The following SGCZ variants were observed in gnomAD, a reference collection of about 807,000 sequenced individuals.
The protein encoded by SGCZ is zeta-sarcoglycan.
A neutral mutation model predicts 41.3 loss-of-function variants in SGCZ; 40 were observed. The observed-to-expected ratio is 0.97, with a 90% CI of 0.75 to 1.26. The LOEUF (loss-of-function observed/expected upper bound fraction) is 1.26, where lower values mean the gene tolerates loss of function less well. Ranked by LOEUF, SGCZ falls within the 50% of genes most tolerant of loss-of-function variation. SGCZ has a pLI of 0.00. For synonymous variants in SGCZ, 206 were observed against 137.5 expected (o/e 1.50, Z -3.49); for missense variants, 552 against 369.8 (o/e 1.49, Z -4.04).
chr8:14,221,011 G>GAAA (rs35159600), intron 4 of SGCZ, among the ~76,000 whole-genome samples: 15 of 149,994 alleles, frequency 1.0e-4, no homozygotes, highest in African/African-American at 3.4e-4. Context: ...GCCTAATATA[G>GAAA]AAAAAAAAAA....
At chr8:15,017,352 A>G (rs1803077507) in intron 1 of SGCZ, among the ~76,000 whole-genome samples, 2 of 152,098 alleles carry the variant, frequency 1.3e-5, no homozygotes, top group African/African-American at 2.4e-5. Context: ...GCTCCCATTC[A>G]CTGCACACGT....
chr8:14,830,108 C>T (rs11993091), intron 1 of SGCZ, among the ~76,000 whole-genome samples: 2 of 152,088 alleles, frequency 1.3e-5, no homozygotes, highest in African/African-American at 4.8e-5. Flanking sequence ...CCGCACCCGG[C>T]CTTATGTTTG....
intron 1 of SGCZ, among the ~76,000 whole-genome samples, chr8:14,841,108 G>T (rs1249936221): frequency 1.4e-5 from 2 of 146,040 alleles, no homozygotes; most frequent in East Asian, 3.9e-4. Context: ...CATTTGAGAA[G>T]AACAAAAAAA....
chr8:14,716,941 T>C (rs937151877), intron 1 of SGCZ, among the ~76,000 whole-genome samples: 1 of 152,056 alleles, frequency 6.6e-6, no homozygotes, highest in Non-Finnish European at 1.5e-5. Flanking sequence ...TTATATTTCA[T>C]CTTATTAATA....
At chr8:14,817,143 G>A (rs1253574042) in intron 1 of SGCZ, among the ~76,000 whole-genome samples, 1 of 152,134 alleles carries the variant, frequency 6.6e-6, no homozygotes, top group Non-Finnish European at 1.5e-5. Flanking sequence ...TGCACACTCA[G>A]TAACATCCTT....
chr8:14,096,746 G>A (rs1430595310), intron 7 of SGCZ, among the ~76,000 whole-genome samples: 1 of 151,878 alleles, frequency 6.6e-6, no homozygotes, highest in East Asian at 1.9e-4. Flanking sequence ...AACTTTTTTT[G>A]GTTGGTAGGC....
chr8:15,149,370 T>G (rs1469112849), intron 1 of SGCZ, among the ~76,000 whole-genome samples: 2 of 152,184 alleles, frequency 1.3e-5, no homozygotes, highest in African/African-American at 4.8e-5. Flanking sequence ...CTAACTGGAC[T>G]TCTTACTGAT....
intron 1 of SGCZ, among the ~76,000 whole-genome samples, chr8:14,784,266 G>C (rs1300750979): frequency 1.3e-5 from 2 of 151,690 alleles, no homozygotes; most frequent in Admixed American, 1.3e-4. Context: ...TGCCCAGGCT[G>C]GTCTTGAACT....
intron 3 of SGCZ, among the ~76,000 whole-genome samples, chr8:14,269,048 C>G (rs1799970775): frequency 6.6e-6 from 1 of 151,598 alleles, no homozygotes; most frequent in African/African-American, 2.4e-5. Context: ...ATCACAAAAT[C>G]CAATTCTATA....
intron 3 of SGCZ, among the ~76,000 whole-genome samples, chr8:14,320,480 T>A (rs1171457223): frequency 6.6e-6 from 1 of 151,530 alleles, no homozygotes; most frequent in African/African-American, 2.4e-5. Context: ...ATTATTATAC[T>A]TTAAGTTCTA....
intron 1 of SGCZ, among the ~76,000 whole-genome samples, chr8:14,755,800 C>T (rs1025082031): frequency 6.6e-6 from 1 of 151,848 alleles, no homozygotes; most frequent in Non-Finnish European, 1.5e-5. Context: ...CCCATGTCCT[C>T]TACAGACTTT....
chr8:15,079,374 A>G (rs1419420468), intron 1 of SGCZ, among the ~76,000 whole-genome samples: 3 of 152,112 alleles, frequency 2.0e-5, no homozygotes, highest in Non-Finnish European at 4.4e-5. Flanking sequence ...CTTCAGTCCT[A>G]TATTTTTTTC....
chr8:15,099,198 G>C (rs1183146048), intron 1 of SGCZ, among the ~76,000 whole-genome samples: 5 of 152,188 alleles, frequency 3.3e-5, no homozygotes, highest in Non-Finnish European at 1.5e-5. Flanking sequence ...TAATCGTGTA[G>C]TCTTTGTGAT....
chr8:14,720,430 G>C (rs1191975231), intron 1 of SGCZ, among the ~76,000 whole-genome samples: 1 of 152,034 alleles, frequency 6.6e-6, no homozygotes, highest in Non-Finnish European at 1.5e-5. Context: ...TAAAACAGTT[G>C]AATGCAAATA....
At chr8:15,102,488 A>T (rs1186445893) in intron 1 of SGCZ, among the ~76,000 whole-genome samples, 1 of 152,218 alleles carries the variant, frequency 6.6e-6, no homozygotes, top group African/African-American at 2.4e-5. Flanking sequence ...AATGTAGAAC[A>T]CAAAAAAGGA....
chr8:14,381,645 C>T (rs1804369387), intron 2 of SGCZ, among the ~76,000 whole-genome samples: 1 of 151,536 alleles, frequency 6.6e-6, no homozygotes, highest in African/African-American at 2.4e-5. Context: ...TGGGTGTAGT[C>T]ACGTGCACCT....
At chr8:14,377,526 AT>A (rs906974326) in intron 2 of SGCZ, among the ~76,000 whole-genome samples, 3 of 150,324 alleles carry the variant, frequency 2.0e-5, no homozygotes, top group African/African-American at 4.9e-5. Flanking sequence ...TTTTGTTTTT[AT>A]TTTTTTCTTT....
At chr8:14,719,102 TG>T (rs1443862241) in intron 1 of SGCZ, among the ~76,000 whole-genome samples, 3 of 147,902 alleles carry the variant, frequency 2.0e-5, no homozygotes, top group African/African-American at 7.5e-5. Flanking sequence ...GAATATGCGG[TG>T]TTTGGTTTTT....
chr8:14,873,579 G>C (rs1804243633), intron 1 of SGCZ, among the ~76,000 whole-genome samples: 1 of 152,112 alleles, frequency 6.6e-6, no homozygotes, highest in African/African-American at 2.4e-5. Context: ...CATTTTCAGA[G>C]GTAAAGCACT....
Sources: allele counts gnomAD v4.1 joint callset (sites outside exome capture counted in the v4.1 genomes callset), GRCh38; gene constraint gnomAD v4.1.1; transcripts MANE v1.5; gene names NCBI Gene and HGNC (gene_info 2026-07-23, HGNC 2026-07-21).